The following ESF1 variants were observed in gnomAD, a reference collection of about 807,000 sequenced individuals.
The protein encoded by ESF1 is ESF1 homolog.
Under a neutral mutation model 92.0 loss-of-function variants are expected in ESF1, and 58 were observed. That is an observed-to-expected ratio of 0.63 (90% CI 0.51 to 0.78). The LOEUF is 0.78. Ranked by LOEUF, ESF1 falls within the 30% of genes least tolerant of loss-of-function variation. The probability of loss-of-function intolerance (pLI) is 0.00; values close to 1 mark genes in which losing one functional copy is unlikely to be tolerated. For synonymous variants in ESF1, 321 were observed against 313.7 expected, an observed-to-expected ratio of 1.02 and a Z score of -0.24; for missense variants, 922 against 989.1, an observed-to-expected ratio of 0.93 and a Z score of 0.91.
At chr20:13,717,615 T>C in intron 12 of ESF1, 101 bp from the exon 13 acceptor site, 1 of 1,320,778 alleles carries the variant, frequency 7.6e-7, no homozygotes, top group Non-Finnish European at 1.0e-6. Context: ...AAAGGAAGAC[T>C]CAATCACTAG....
At chr20:13,733,668 T>C in intron 10 of ESF1, 53 bp downstream of exon 10, 4 of 1,553,368 alleles carry the variant, frequency 2.6e-6, no homozygotes, top group Non-Finnish European at 3.5e-6. Context: ...CCTGGTACCA[T>C]CTGATATATG....
intron 13 of ESF1, 26 bp from the exon 14 acceptor site, chr20:13,715,193 T>A: frequency 2.8e-6 from 4 of 1,434,082 alleles, no homozygotes; most frequent in Non-Finnish European, 3.7e-6. Context: ...AAAAAAAAAT[T>A]AATAAATTAA....
At chr20:13,748,558 A>G (rs1224343786) in intron 9 of ESF1, among the ~76,000 whole-genome samples, 1 of 41,516 alleles carries the variant, frequency 2.4e-5, no homozygotes, top group Non-Finnish European at 4.3e-5. Context: ...GTATATATAT[A>G]TATATATGTG....
chr20:13,742,132 C>T (rs993992709), intron 9 of ESF1, among the ~76,000 whole-genome samples: 1 of 152,036 alleles, frequency 6.6e-6, no homozygotes, highest in Non-Finnish European at 1.5e-5. Context: ...TTTGGGAGGC[C>T]AATACGGGTG....
chr20:13,754,620 C>T (rs1007520654), intron 9 of ESF1, among the ~76,000 whole-genome samples: 1 of 152,164 alleles, frequency 6.6e-6, no homozygotes, highest in South Asian at 2.1e-4. Flanking sequence ...GTTCCATCCA[C>T]AAGCTTCATT....
chr20:13,753,627 C>T (rs576008168), intron 9 of ESF1, among the ~76,000 whole-genome samples: 44 of 152,122 alleles, frequency 2.9e-4, no homozygotes, highest in African/African-American at 8.9e-4. Flanking sequence ...ATCCTCTGAA[C>T]GTACCTTTGG....
chr20:13,775,082 C>CAAAAAAAAA (rs67609153), intron 4 of ESF1, 75 bp downstream of exon 4: 2 of 690,724 alleles, frequency 2.9e-6, no homozygotes, highest in Non-Finnish European at 2.1e-6. Context: ...AAACTATGGC[C>CAAAAAAAAA]AAAAAAAAAA....
chr20:13,760,133 T>C (rs1979094080), intron 8 of ESF1, among the ~76,000 whole-genome samples: 1 of 152,266 alleles, frequency 6.6e-6, no homozygotes, highest in Admixed American at 6.5e-5. Flanking sequence ...TCTTTGGGCT[T>C]CTTTTTCCTA....
intron 9 of ESF1, among the ~76,000 whole-genome samples, chr20:13,755,611 C>T (rs1479523002): frequency 6.6e-6 from 1 of 152,114 alleles, no homozygotes; most frequent in Non-Finnish European, 1.5e-5. Flanking sequence ...TCACATACAT[C>T]AAAATAATTA....
chr20:13,775,220 T>C lies in ESF1; in HGVS notation c.1086A>G (p.Ala362=). ...VCNMDWDRLK[A]KDLLALFNSF... is the part of the protein sequence containing the mutation. Reference sequence around the variant, plus strand: ...AATTGAACAGAGCCAGCAAATCTTTTGCCTTTAATCTATCCCAGTCCATGT... The same window carrying C: ...AATTGAACAGAGCCAGCAAATCTTTCGCCTTTAATCTATCCCAGTCCATGT... Residue 362 remains alanine (A), a synonymous_variant, in exon 4 of 14, where the codon GCA becomes GCG. Transcript: ENST00000617257. 6.2e-7 allele frequency: 1 copy of C among 1,611,904 alleles called. No homozygotes were observed. The highest frequency in any genetic ancestry group is 1.1e-5 in the South Asian group (1 of 90,502).
chr20:13,722,494 A>C (rs973057621), intron 11 of ESF1, among the ~76,000 whole-genome samples: 2 of 152,168 alleles, frequency 1.3e-5, no homozygotes, highest in Non-Finnish European at 2.9e-5. Context: ...GTACTAGGGA[A>C]ATGAAAGTTT....
rs202029740 is a variant in ESF1, at chr20:13,761,413, T to TAAA, written c.1667-1563_1667-1561dup. ...TAAATAAAATAAAAATACAAAAAAT[T>TAAA]AAAAAAAAAAAAAAAGAAGATGGCA... On this transcript the variant is annotated intron_variant, in intron 8 of 13. Coordinates refer to ENST00000617257, the MANE Select transcript of ESF1 (RefSeq NM_001276380.2). 3.6e-5 allele frequency among the ~76,000 whole-genome samples: 5 copies of TAAA among 139,722 alleles called. No homozygotes were observed. The South Asian group carries it at 9.2e-4, about 26-fold the overall frequency. The allele number at this position is 139,722 out of a possible 152,430, so 91.7% of individuals were successfully genotyped here. A position where few individuals can be genotyped will look rare whatever the true frequency, so the allele number is the denominator to read the frequency against.
intron 9 of ESF1, among the ~76,000 whole-genome samples, chr20:13,751,134 A>G (rs1978614896): frequency 6.6e-6 from 1 of 152,250 alleles, no homozygotes; most frequent in Admixed American, 6.5e-5. Flanking sequence ...TCAATTTTGC[A>G]ATAATGAAAC....
Position 13,717,452 on chromosome 20 carries a change from G to T in ESF1, c.2178C>A (p.Asn726Lys). The change falls in exon 13 of 14, where the codon AAC becomes AAA. Residue 726 changes from asparagine (N) to lysine (K), a missense_variant. Transcript: ENST00000617257. The stretch of plus-strand genomic sequence containing the variant: ...TCAGATTCTGGTGCTCCACAATCTT[G>T]TTGTAATTGAAGTGTTTCTTACTGT... ...DEDSKKHFNY[N>K]KIVEHQNLSK... The T allele has an allele frequency of 6.2e-7, 1 of 1,613,966 alleles. No homozygotes were observed. The highest frequency in any genetic ancestry group is 1.3e-5 in the African/African-American group (1 of 75,000).
At chr20:13,762,324 A>T (rs1979235489) in intron 8 of ESF1, among the ~76,000 whole-genome samples, 2 of 152,148 alleles carry the variant, frequency 1.3e-5, no homozygotes, top group African/African-American at 4.8e-5. Context: ...GCTTTGTGCC[A>T]CAATAATAAT....
rs746422367 is a variant in ESF1 at position 13,728,432 on chromosome 20, G to GA, written c.1983dup (p.Pro662SerfsTer3). The GA allele has an allele frequency of 6.2e-7, 1 of 1,612,914 alleles. No homozygotes were observed. The highest frequency in any genetic ancestry group is 8.5e-7 in the Non-Finnish European group (1 of 1,179,432). On this transcript the variant is annotated frameshift_variant, in exon 11 of 14. Coordinates refer to ENST00000617257, the MANE Select transcript of ESF1 (RefSeq NM_001276380.2). LOFTEE classifies it high-confidence loss of function. ...GGGTCATTCAAATCAACATCAGAGG[G>GA]AAGTTCCTCTTCACTGGCCTCTTCA...
chr20:13,780,633 A>G (rs1208350435), intron 2 of ESF1, among the ~76,000 whole-genome samples: 1 of 151,068 alleles, frequency 6.6e-6, no homozygotes, highest in Admixed American at 6.6e-5. Flanking sequence ...CTCTTGGCCT[A>G]TCAAGAACTC....
chr20:13,767,253 A>G (rs1009660117), intron 7 of ESF1, among the ~76,000 whole-genome samples: 22 of 152,214 alleles, frequency 1.4e-4, no homozygotes, highest in African/African-American at 4.6e-4. Flanking sequence ...TGGGCCAGGC[A>G]TGGTGGCTCA....
At chr20:13,735,112 C>T (rs973008834) in intron 9 of ESF1, among the ~76,000 whole-genome samples, 3 of 152,040 alleles carry the variant, frequency 2.0e-5, no homozygotes, top group South Asian at 2.1e-4. Context: ...TTTCCTCCCA[C>T]GTGCACTGAT....
Sources: gnomAD v4.1 joint callset for allele counts (sites outside exome capture counted in the v4.1 genomes callset) on GRCh38, gnomAD v4.1.1 for gene constraint, MANE v1.5 for transcripts, NCBI Gene and HGNC (gene_info 2026-07-23, HGNC 2026-07-21) for gene names.